The following SLC25A21 variants were observed in gnomAD, a reference collection of about 807,000 sequenced individuals.
SLC25A21 encodes solute carrier family 25 member 21.
A neutral mutation model predicts 43.8 loss-of-function variants in SLC25A21; 47 were observed. The observed-to-expected ratio is 1.07, with a 90% CI of 0.85 to 1.37. The LOEUF is 1.37. Ranked by LOEUF, SLC25A21 falls within the 40% of genes most tolerant of loss-of-function variation. The probability of loss-of-function intolerance (pLI) is 0.00; values close to 1 mark genes in which losing one functional copy is unlikely to be tolerated. For missense variants in SLC25A21, 352 were observed against 350.2 expected (o/e 1.00, Z -0.04); for synonymous variants, 131 against 121.3 (o/e 1.08, Z -0.52).
At chr14:36,715,768 G>A (rs995270630) in intron 6 of SLC25A21, among the ~76,000 whole-genome samples, 3 of 152,212 alleles carry the variant, frequency 2.0e-5, no homozygotes, top group Non-Finnish European at 4.4e-5. Flanking sequence ...TCAAATATCT[G>A]CTTAAAAAGT....
In SLC25A21 at chr14:36,919,625, A is replaced by G. The variant is rs575889394; in HGVS notation, c.71-44621T>C. On this transcript the variant is annotated intron_variant, in intron 1 of 9. Coordinates refer to ENST00000331299, the MANE Select transcript of SLC25A21 (RefSeq NM_030631.4). Reference sequence around the variant, plus strand: ...AAAATTCAAGATTATCTATCTACCTATCTATCTATCTATCTATCTATCTAT... The same window carrying G: ...AAAATTCAAGATTATCTATCTACCTGTCTATCTATCTATCTATCTATCTAT... 4.5e-3 allele frequency among the ~76,000 whole-genome samples: 506 copies of G among 113,144 alleles called. 2 individuals carry two copies. Among genetic ancestry groups the G allele is most frequent in the African/African-American group, 0.018 (481 of 26,258 alleles). 74.2% of individuals were successfully genotyped at this position (113,144 alleles called of 152,430 possible). A position where few individuals can be genotyped will look rare whatever the true frequency, so the allele number is the denominator to read the frequency against.
At chr14:36,790,024 A>T (rs1285835688) in intron 3 of SLC25A21, among the ~76,000 whole-genome samples, 2 of 144,686 alleles carry the variant, frequency 1.4e-5, no homozygotes, top group Non-Finnish European at 3.0e-5. Flanking sequence ...TCAGCTAAAT[A>T]GTTGATAAAA....
intron 1 of SLC25A21, among the ~76,000 whole-genome samples, chr14:37,050,806 G>A (rs1196140529): frequency 6.6e-6 from 1 of 152,140 alleles, no homozygotes; most frequent in Non-Finnish European, 1.5e-5. Context: ...CTCTACTAGT[G>A]AAAAGTTTGA....
At chr14:37,131,685 T>C (rs1963393870) in intron 1 of SLC25A21, among the ~76,000 whole-genome samples, 2 of 152,240 alleles carry the variant, frequency 1.3e-5, no homozygotes, top group Admixed American at 1.3e-4. Flanking sequence ...GTCTTTGTTT[T>C]TTATCTTGAG....
intron 1 of SLC25A21, among the ~76,000 whole-genome samples, chr14:36,935,400 G>A (rs1169340559): frequency 6.6e-6 from 1 of 152,136 alleles, no homozygotes; most frequent in Non-Finnish European, 1.5e-5. Context: ...GCAACTCTTT[G>A]AAGGAATTCT....
At chr14:36,730,847 A>G (rs1311552030) in intron 4 of SLC25A21, among the ~76,000 whole-genome samples, 11 of 152,198 alleles carry the variant, frequency 7.2e-5, no homozygotes, top group Admixed American at 7.2e-4. Flanking sequence ...GGCTAGTGAA[A>G]GCCCTGAAAC....
intron 1 of SLC25A21, among the ~76,000 whole-genome samples, chr14:36,918,027 TC>T (rs1891878285): frequency 6.6e-6 from 1 of 152,162 alleles, no homozygotes; most frequent in Non-Finnish European, 1.5e-5. Context: ...TATACGCATA[TC>T]TACAGCCTTC....
At chr14:36,691,196 G>T (rs1882780795) in intron 7 of SLC25A21, among the ~76,000 whole-genome samples, 1 of 152,168 alleles carries the variant, frequency 6.6e-6, no homozygotes, top group South Asian at 2.1e-4. Flanking sequence ...ACCAGTTTTA[G>T]AGACATGTGC....
chr14:36,681,499 G>T (rs1294655022), intron 9 of SLC25A21, among the ~76,000 whole-genome samples: 1 of 152,172 alleles, frequency 6.6e-6, no homozygotes, highest in African/African-American at 2.4e-5. Flanking sequence ...TTTGTACATG[G>T]ATCATTTTAT....
chr14:36,699,625 CTTTG>C (rs1883191739), intron 7 of SLC25A21, among the ~76,000 whole-genome samples: 1 of 152,174 alleles, frequency 6.6e-6, no homozygotes, highest in Non-Finnish European at 1.5e-5. Flanking sequence ...TTCCTGGCCG[CTTTG>C]TTTACCTACT....
chr14:36,742,897 A>C (rs1222726459), intron 3 of SLC25A21, among the ~76,000 whole-genome samples: 1 of 152,192 alleles, frequency 6.6e-6, no homozygotes, highest in East Asian at 1.9e-4. Flanking sequence ...TGTATGGAGG[A>C]ATTCTTTCAA....
At chr14:37,149,174 C>T (rs1184213872) in intron 1 of SLC25A21, among the ~76,000 whole-genome samples, 1 of 152,054 alleles carries the variant, frequency 6.6e-6, no homozygotes. Context: ...AGTGCCTCTA[C>T]TTTTCTCTTT....
intron 3 of SLC25A21, among the ~76,000 whole-genome samples, chr14:36,761,258 G>A (rs60728785): frequency 1.3e-3 from 199 of 152,262 alleles, no homozygotes; most frequent in African/African-American, 4.6e-3. Flanking sequence ...TACTCTCCCC[G>A]TCTGCCTTTT....
chr14:36,729,359 G>C (rs1884727278), intron 5 of SLC25A21, 148 bp downstream of exon 5: 3 of 577,722 alleles, frequency 5.2e-6, no homozygotes, highest in Non-Finnish European at 5.8e-6. Flanking sequence ...GAGTTATTAG[G>C]AAGATGGCTT....
chr14:36,895,104 C>G (rs1408248022), intron 1 of SLC25A21, among the ~76,000 whole-genome samples: 1 of 152,180 alleles, frequency 6.6e-6, no homozygotes, highest in Non-Finnish European at 1.5e-5. Context: ...GGAATAGTTT[C>G]AGAAGGAATG....
intron 1 of SLC25A21, among the ~76,000 whole-genome samples, chr14:36,931,430 G>C (rs977915637): frequency 1.3e-5 from 2 of 152,144 alleles, no homozygotes; most frequent in Non-Finnish European, 2.9e-5. Context: ...AGGTGAGAGA[G>C]AAATGGAGAG....
chr14:36,729,585 C>T lies in SLC25A21; in HGVS notation c.271-19G>A. 4.4e-6 allele frequency: 7 copies of T among 1,595,698 alleles called. No homozygotes were observed. Among genetic ancestry groups the T allele is most frequent in the Non-Finnish European group, 6.0e-6 (7 of 1,173,044 alleles). On this transcript the variant is annotated intron_variant, in intron 4 of 9. Coordinates refer to ENST00000331299, the MANE Select transcript of SLC25A21 (RefSeq NM_030631.4). ...TGAAAAACTGTGAAACAAAACCAAA[C>T]TCACAGATTTATAACAATTTTCCTG...
intron 2 of SLC25A21, among the ~76,000 whole-genome samples, chr14:36,847,879 T>C (rs139014588): frequency 6.6e-6 from 1 of 152,200 alleles, no homozygotes; most frequent in East Asian, 1.9e-4. Flanking sequence ...CTTTGTTTCA[T>C]TGATAATTTC....
chr14:36,738,213 C>T (rs913485948), intron 3 of SLC25A21, among the ~76,000 whole-genome samples: 18 of 152,282 alleles, frequency 1.2e-4, no homozygotes, highest in African/African-American at 4.3e-4. Flanking sequence ...AAGCTGATAG[C>T]TATTCTTGAC....
Sources: allele counts gnomAD v4.1 joint callset (sites outside exome capture counted in the v4.1 genomes callset), GRCh38; gene constraint gnomAD v4.1.1; transcripts MANE v1.5; gene names NCBI Gene and HGNC (gene_info 2026-07-23, HGNC 2026-07-21).